The following ABCC11 variants were observed in gnomAD, a reference collection of about 807,000 sequenced individuals.
The protein encoded by ABCC11 is ATP binding cassette subfamily C member 11, also known as ATP-binding cassette sub-family C member 11.
A neutral mutation model predicts 149.3 loss-of-function variants in ABCC11; 135 were observed. That is an observed-to-expected ratio of 0.90 (90% confidence interval 0.79 to 1.04). The LOEUF (loss-of-function observed/expected upper bound fraction) is 1.04. Among genes scored for constraint, ABCC11 ranks in the 50% least tolerant of loss-of-function variants. The pLI, the probability that ABCC11 is intolerant of heterozygous loss-of-function variation, is 0.00. For missense variants in ABCC11, 1,680 were observed against 1,722.1 expected (o/e 0.98, Z 0.43); for synonymous variants, 665 against 671.4 (o/e 0.99, Z 0.15).
intron 14 of ABCC11, among the ~76,000 whole-genome samples, 162 bp from the exon 15 acceptor site, chr16:48,200,641 A>T (rs77029609): frequency 6.6e-6 from 1 of 152,190 alleles, no homozygotes; most frequent in Non-Finnish European, 1.5e-5. Flanking sequence ...TTAAAAATAC[A>T]TATATATCTC....
intron 5 of ABCC11, 151 bp from the exon 6 acceptor site, chr16:48,222,982 G>A (rs1192605991): frequency 2.8e-6 from 2 of 711,808 alleles, no homozygotes; most frequent in Admixed American, 2.8e-5. Flanking sequence ...CCCTCAAGAA[G>A]GTTAAGGTCC....
intron 22 of ABCC11, 65 bp from the exon 23 acceptor site, chr16:48,184,691 G>T (rs984401953): frequency 6.6e-7 from 1 of 1,508,670 alleles, no homozygotes; most frequent in Non-Finnish European, 9.0e-7. Context: ...CCGGGTCAGG[G>T]TAGATACCGG....
intron 6 of ABCC11, among the ~76,000 whole-genome samples, chr16:48,222,387 G>A (rs541938667): frequency 1.3e-5 from 2 of 152,304 alleles, no homozygotes; most frequent in South Asian, 4.1e-4. Context: ...GTCTCTGAAT[G>A]TAAGTGGCAT....
rs1875901439 is a variant in ABCC11, at chr16:48,175,382, C to G, written c.3574G>C (p.Val1192Leu). 1.9e-6 allele frequency: 3 copies of G among 1,613,568 alleles called. No homozygotes were observed. Among genetic ancestry groups the G allele is most frequent in the Non-Finnish European group, 2.5e-6 (3 of 1,179,472 alleles). Residue 1192 changes from valine to leucine, a missense_variant, in exon 26 of 30, where the codon GTG (valine) becomes CTG (leucine). Transcript: ENST00000356608. ...SSLGMALFRL[V>L]EPMAGRILID... ...AGAATCCGGCCTGCCATGGGCTCCACCAGGCGGAAGAGAGCCATGCCCAAG... is the reference window on the plus strand; with the variant it reads ...AGAATCCGGCCTGCCATGGGCTCCAGCAGGCGGAAGAGAGCCATGCCCAAG...
At chr16:48,211,297 T>C (rs961651973) in intron 10 of ABCC11, 98 bp from the exon 11 acceptor site, 6 of 1,443,974 alleles carry the variant, frequency 4.2e-6, no homozygotes, top group Admixed American at 2.0e-5. Flanking sequence ...TGGTATGGTT[T>C]TGTGAATTTC....
At chr16:48,193,137 AG>A (rs2150788763) in intron 19 of ABCC11, among the ~76,000 whole-genome samples, 1 of 152,260 alleles carries the variant, frequency 6.6e-6, no homozygotes, top group East Asian at 1.9e-4. Flanking sequence ...GTTTTTCCAG[AG>A]GCTGGAAGGC....
Position 48,170,878 on chromosome 16 carries a change from G to C in ABCC11, c.3777+11C>G, listed in dbSNP as rs1965674343. On this transcript the variant is annotated intron_variant, in intron 27 of 29. Coordinates refer to ENST00000356608, the MANE Select transcript of ABCC11 (RefSeq NM_001370497.1). ...GACTTAGACCAAGACTTGGGCCTTG[G>C]AGCTACTTACGGCCTTGGTCAGGAA... The C allele has an allele frequency of 6.2e-7, 1 of 1,610,490 alleles. No homozygotes were observed. Among genetic ancestry groups the C allele is most frequent in the East Asian group, 2.2e-5 (1 of 44,852 alleles).
Position 48,167,478 on chromosome 16 carries a change from C to T in ABCC11, c.4056+18G>A. ...CTGAGCCCTCATCCTCCCACCAGCC[C>T]AAGGACGCAGCCTTCACCTTCCCAT... On this transcript the variant is annotated intron_variant, in intron 29 of 29. Coordinates refer to ENST00000356608, the MANE Select transcript of ABCC11 (RefSeq NM_001370497.1). 4 of 1,613,698 alleles carry T rather than the reference C, an allele frequency of 2.5e-6. No individual in the cohort carries two copies. Among genetic ancestry groups the T allele is most frequent in the South Asian group, 1.1e-5 (1 of 91,052 alleles).
At chr16:48,204,544 G>T (rs904776132) in intron 13 of ABCC11, among the ~76,000 whole-genome samples, 3 of 152,212 alleles carry the variant, frequency 2.0e-5, no homozygotes, top group Admixed American at 2.0e-4. Context: ...AGGTTTGGGT[G>T]ATGCCATTAA....
At chr16:48,201,474 C>CTTTTTTTTTT (rs560323114) in intron 14 of ABCC11, among the ~76,000 whole-genome samples, 5 of 123,456 alleles carry the variant, frequency 4.1e-5, no homozygotes, top group Admixed American at 8.9e-5. Flanking sequence ...TTTTCTTTTT[C>CTTTTTTTTTT]TTTTTTTTTT....
chr16:48,221,916 C>CTTT (rs747175603), intron 6 of ABCC11, among the ~76,000 whole-genome samples: 1 of 140,898 alleles, frequency 7.1e-6, no homozygotes, highest in Non-Finnish European at 1.6e-5. Context: ...TAATTTTTGT[C>CTTT]TTTTTTTTTT....
chr16:48,217,818 G>C (rs1472920262), intron 6 of ABCC11, among the ~76,000 whole-genome samples: 1 of 151,822 alleles, frequency 6.6e-6, no homozygotes, highest in Admixed American at 6.6e-5. Context: ...CACTCTGAAG[G>C]GCAATTTTAA....
rs139253933 is a variant in ABCC11, at chr16:48,186,099, C to T, written c.3071+854G>A. On this transcript the variant is annotated intron_variant, in intron 22 of 29. Transcript: ENST00000356608. ...GAATGAATGCACCGCTCCAGGATCCCCTCAGTCCTAGAGTCTGCACAGACC... is the reference window on the plus strand; with the variant it reads ...GAATGAATGCACCGCTCCAGGATCCTCTCAGTCCTAGAGTCTGCACAGACC... Among the ~76,000 whole-genome samples, 189 of 152,304 alleles carry T rather than the reference C, an allele frequency of 1.2e-3. 1 individual carries two copies. The highest frequency in any genetic ancestry group is 4.3e-3 in the African/African-American group (177 of 41,570).
At chr16:48,220,224 C>G (rs150470761) in intron 6 of ABCC11, among the ~76,000 whole-genome samples, 6 of 152,278 alleles carry the variant, frequency 3.9e-5, no homozygotes, top group Non-Finnish European at 8.8e-5. Flanking sequence ...GGTTGAAGAC[C>G]CGGACTCTGC....
At chr16:48,218,219 C>A (rs986080425) in intron 6 of ABCC11, among the ~76,000 whole-genome samples, 1 of 151,980 alleles carries the variant, frequency 6.6e-6, no homozygotes, top group African/African-American at 2.4e-5. Flanking sequence ...TTGCTGGAGC[C>A]CAGGAGGTCC....
At chr16:48,243,989 C>T (rs1029332381) in intron 1 of ABCC11, among the ~76,000 whole-genome samples, 3 of 124,434 alleles carry the variant, frequency 2.4e-5, no homozygotes, top group African/African-American at 1.0e-4. Flanking sequence ...GAGAATCTGT[C>T]TCAGAATAAA....
chr16:48,214,402 A>C (rs1022322931), intron 9 of ABCC11, among the ~76,000 whole-genome samples: 1 of 152,088 alleles, frequency 6.6e-6, no homozygotes, highest in African/African-American at 2.4e-5. Flanking sequence ...TGGCCTCCCC[A>C]GTTGGATTAC....
Position 48,240,934 on chromosome 16 carries a change from CT to C in ABCC11, c.-19+6379del, listed in dbSNP as rs891336042. Among the ~76,000 whole-genome samples, 84 of 148,476 alleles carry C rather than the reference CT, an allele frequency of 5.7e-4. 1 individual carries two copies. Among genetic ancestry groups the C allele is most frequent in the African/African-American group, 1.8e-3 (72 of 40,556 alleles). ...CATATATCACATGGCCACAGCATCA[CT>C]TTTTTTTTTATTTTTTGAGACAGAG... On this transcript the variant is annotated intron_variant, in intron 1 of 29. Transcript: ENST00000356608.
chr16:48,168,525 AG>A (rs1166805490), intron 28 of ABCC11, among the ~76,000 whole-genome samples: 1 of 152,200 alleles, frequency 6.6e-6, no homozygotes, highest in African/African-American at 2.4e-5. Flanking sequence ...GTGAGTATGG[AG>A]AAGGTATGTG....
Sources: allele counts gnomAD v4.1 joint callset (sites outside exome capture counted in the v4.1 genomes callset), GRCh38; gene constraint gnomAD v4.1.1; transcripts MANE v1.5; gene names NCBI Gene and HGNC (gene_info 2026-07-23, HGNC 2026-07-21).